Variants in JDP2 observed in about 807,000 individuals in gnomAD.
JDP2 encodes the protein progesterone receptor co-activator.
A neutral mutation model predicts 17.1 loss-of-function variants in JDP2; 9 were observed. That is an observed-to-expected ratio of 0.53 (90% CI 0.32 to 0.92). JDP2 has a LOEUF of 0.92. Among genes scored for constraint, JDP2 ranks in the 40% least tolerant of loss-of-function variants. The probability of loss-of-function intolerance (pLI) is 0.04; values close to 1 mark genes in which losing one functional copy is unlikely to be tolerated. For synonymous variants in JDP2, 107 were observed against 95.6 expected, an observed-to-expected ratio of 1.12 and a Z score of -0.69; for missense variants, 179 against 220.0, an observed-to-expected ratio of 0.81 and a Z score of 1.18.
chr14:75,438,157 C>G (rs1268837569), intron 2 of JDP2, 36 bp downstream of exon 2: 1 of 1,523,850 alleles, frequency 6.6e-7, no homozygotes, highest in South Asian at 1.2e-5. Context: ...GATTCCAGGT[C>G]TGGCCTTAAA....
rs377759320 is a variant in JDP2 at position 75,469,503 on chromosome 14, A to C, written c.*28A>C. 28 of 1,601,256 alleles carry C rather than the reference A, an allele frequency of 1.7e-5. No homozygotes were observed. The highest frequency in any genetic ancestry group is 8.1e-5 in the African/African-American group (6 of 74,274). On this transcript the variant is annotated 3_prime_UTR_variant, in exon 4 of 4. Coordinates refer to ENST00000651602, the MANE Select transcript of JDP2 (RefSeq NM_001135048.2). ...ATGGGCTGGGAGGAGGTGGAGGAGGAGGAAGAGGAGAAGGAAAAGTGACGA... is the reference window on the plus strand; with the variant it reads ...ATGGGCTGGGAGGAGGTGGAGGAGGCGGAAGAGGAGAAGGAAAAGTGACGA...
chr14:75,463,363 G>C (rs148964666), intron 3 of JDP2, among the ~76,000 whole-genome samples: 1 of 152,232 alleles, frequency 6.6e-6, no homozygotes, highest in East Asian at 1.9e-4. Context: ...GCTAGCGAGT[G>C]GTGGGCTTGG....
intron 1 of JDP2, among the ~76,000 whole-genome samples, chr14:75,433,559 T>C (rs1240365862): frequency 6.6e-6 from 1 of 150,602 alleles, no homozygotes; most frequent in Non-Finnish European, 1.5e-5. Context: ...TTTTTTTTTT[T>C]TTTTTCAAGT....
rs145576575 is a variant in JDP2 at position 75,452,337 on chromosome 14, G to A, written c.202-9089G>A. ...CTCAGTTTTCTCACTTGTAAAATAA[G>A]GCCCCTGAGACCCACCTTGCAGATG... is the stretch of plus-strand genomic sequence containing the variant. On this transcript the variant is annotated intron_variant, in intron 2 of 3. Coordinates refer to ENST00000651602, the MANE Select transcript of JDP2 (RefSeq NM_001135048.2). Among the ~76,000 whole-genome samples the A allele has an allele frequency of 5.2e-3, 793 of 152,292 alleles. 7 individuals are homozygous for A. Among genetic ancestry groups the A allele is most frequent in the African/African-American group, 0.018 (746 of 41,556 alleles).
chr14:75,434,330 C>G (rs898202186), intron 1 of JDP2, among the ~76,000 whole-genome samples: 3 of 152,172 alleles, frequency 2.0e-5, no homozygotes, highest in Non-Finnish European at 4.4e-5. Context: ...TTTAGGATGA[C>G]TTCTGGCTGG....
chr14:75,468,401 G>T (rs971041713), intron 3 of JDP2, among the ~76,000 whole-genome samples: 1 of 152,104 alleles, frequency 6.6e-6, no homozygotes, highest in African/African-American at 2.4e-5. Flanking sequence ...GCTGGCCCTC[G>T]AATAAATGCC....
At chr14:75,451,868 C>G (rs1486701843) in intron 2 of JDP2, among the ~76,000 whole-genome samples, 1 of 151,802 alleles carries the variant, frequency 6.6e-6, no homozygotes, top group Non-Finnish European at 1.5e-5. Context: ...TAGGGATTAG[C>G]CTTGGTGCTT....
rs370400086 is a variant in JDP2 at position 75,432,327 on chromosome 14, A to G, written c.-24+4075A>G. ...CTTGGTGGTTGATTCTCCAAGATTC[A>G]TGGTAGCAGGTACTATGCGCCATGA... On this transcript the variant is annotated intron_variant, in intron 1 of 3. Coordinates refer to ENST00000651602, the MANE Select transcript of JDP2 (RefSeq NM_001135048.2). 68 of 1,551,424 alleles carry G rather than the reference A, an allele frequency of 4.4e-5. 1 individual carries two copies. The highest frequency in any genetic ancestry group is 5.6e-5 in the Non-Finnish European group (64 of 1,146,886).
Position 75,428,533 on chromosome 14 carries a change from C to G in JDP2, c.-24+281C>G, listed in dbSNP as rs1343857204. 6.6e-6 allele frequency: 1 copy of G among 152,214 alleles called. No individual in the cohort carries two copies. Among genetic ancestry groups the G allele is most frequent in the Non-Finnish European group, 1.5e-5 (1 of 68,054 alleles). 9.4% of individuals were successfully genotyped at this position (152,214 alleles called of 1,614,324 possible). ...TCCCTGGACAGCCGGGGTGCTCCCT[C>G]CTTCTCCCTCCCGCGCTCTCCTCCC... On this transcript the variant is annotated intron_variant, in intron 1 of 3. Coordinates refer to ENST00000651602, the MANE Select transcript of JDP2 (RefSeq NM_001135048.2). This position sits in a 1 kb window ranked among gnomAD's most constrained non-coding sequence, Gnocchi z 5.6.
At chr14:75,432,377 C>A in intron 1 of JDP2, 6 of 1,545,518 alleles carry the variant, frequency 3.9e-6, no homozygotes, top group Non-Finnish European at 5.3e-6. Flanking sequence ...CCTTTCTGAC[C>A]TTCTCTGTGG....
chr14:75,461,474 G>A lies in JDP2; in HGVS notation c.250G>A (p.Val84Ile), dbSNP rs1383303323. The A allele has an allele frequency of 2.5e-6, 4 of 1,610,696 alleles. No individual in the cohort carries two copies. In the South Asian group the frequency reaches 4.5e-5, roughly 18 times the overall value. Residue 84 changes from valine to isoleucine, a missense_variant, in exon 3 of 4, where the codon GTC (valine) becomes ATC (isoleucine). By Grantham distance (29) the Val-to-Ile change is conservative. Coordinates refer to ENST00000651602, the MANE Select transcript of JDP2 (RefSeq NM_001135048.2). Reference protein sequence around the residue: ...RRKRRREKNKVAAARCRNKKK... With the variant: ...RRKRRREKNKIAAARCRNKKK... ...GAAAAGGCGCCGGGAGAAGAACAAA[G>A]TCGCAGCAGCCCGATGCCGGAACAA... is the stretch of plus-strand genomic sequence containing the variant.
chr14:75,458,426 G>GT (rs1886210815), intron 2 of JDP2, among the ~76,000 whole-genome samples: 1 of 152,116 alleles, frequency 6.6e-6, no homozygotes, highest in Admixed American at 6.6e-5. Context: ...GCCGTATTTG[G>GT]TTTTCTGTTG....
intron 1 of JDP2, among the ~76,000 whole-genome samples, chr14:75,433,715 G>A (rs1246461316): frequency 1.3e-5 from 2 of 151,808 alleles, no homozygotes; most frequent in Non-Finnish European, 2.9e-5. Context: ...CTAGTCAGTC[G>A]CCATCTTGGA....
chr14:75,433,119 C>T (rs977800078), intron 1 of JDP2, among the ~76,000 whole-genome samples: 3 of 129,696 alleles, frequency 2.3e-5, no homozygotes, highest in South Asian at 2.6e-4. Context: ...CACTTGAACC[C>T]GGGAGGCGGA....
intron 2 of JDP2, among the ~76,000 whole-genome samples, 165 bp downstream of exon 2, chr14:75,438,286 C>T (rs1392386994): frequency 6.6e-6 from 1 of 152,178 alleles, no homozygotes; most frequent in East Asian, 1.9e-4. Flanking sequence ...CCTTCTGTAT[C>T]AGAATCTGCA....
chr14:75,447,309 A>T (rs1262819967), intron 2 of JDP2, among the ~76,000 whole-genome samples: 1 of 152,188 alleles, frequency 6.6e-6, no homozygotes, highest in Non-Finnish European at 1.5e-5. Context: ...TAGTTTGCAA[A>T]CTTCTTTTGT....
At chr14:75,455,507 A>G (rs1186121537) in intron 2 of JDP2, among the ~76,000 whole-genome samples, 1 of 152,166 alleles carries the variant, frequency 6.6e-6, no homozygotes, top group Non-Finnish European at 1.5e-5. Context: ...AATGGACCAC[A>G]TTACCCAGGA....
At chr14:75,450,813 G>T (rs562303629) in intron 2 of JDP2, among the ~76,000 whole-genome samples, 42 of 152,304 alleles carry the variant, frequency 2.8e-4, no homozygotes, top group Admixed American at 1.1e-3. Flanking sequence ...CTTTGCCCTC[G>T]TGGAACTCCC....
In JDP2 at chr14:75,446,710, G is replaced by T. The variant is rs536574837; in HGVS notation, c.201+8589G>T. On this transcript the variant is annotated intron_variant, in intron 2 of 3. Coordinates refer to ENST00000651602, the MANE Select transcript of JDP2 (RefSeq NM_001135048.2). ...AAGGGATATGAGGTTTCTTTTGGGG[G>T]TGATGAAAGTGTTCTAAAATTGTAG... 2.6e-5 allele frequency among the ~76,000 whole-genome samples: 4 copies of T among 152,284 alleles called. No individual in the cohort carries two copies. The East Asian group carries it at 7.7e-4, about 29-fold the overall frequency.
Sources: allele counts gnomAD v4.1 joint callset (sites outside exome capture counted in the v4.1 genomes callset), GRCh38; gene constraint gnomAD v4.1.1; non-coding constraint Gnocchi (gnomAD v3.1); transcripts MANE v1.5; gene names NCBI Gene and HGNC (gene_info 2026-07-23, HGNC 2026-07-21).